KMT5A: variants seen among roughly 807,000 people sequenced by gnomAD.
KMT5A encodes the protein lysine methyltransferase 5A.
In KMT5A, 6 loss-of-function variants were observed where a neutral mutation model predicts 40.6. The ratio of observed to expected loss-of-function variants is 0.15; its 90% CI spans 0.08 to 0.29. KMT5A has a LOEUF of 0.29. Ranked by LOEUF, KMT5A falls within the 10% of genes least tolerant of loss-of-function variation. The probability of loss-of-function intolerance (pLI) is 1.00; values close to 1 mark genes in which losing one functional copy is unlikely to be tolerated. For missense variants in KMT5A, 308 were observed against 459.1 expected (o/e 0.67, Z 3.01); for synonymous variants, 153 against 178.8 (o/e 0.86, Z 1.15).
At chr12:123,397,058 C>G (rs1877782537) in intron 5 of KMT5A, among the ~76,000 whole-genome samples, 1 of 152,244 alleles carries the variant, frequency 6.6e-6, no homozygotes, top group Non-Finnish European at 1.5e-5. Context: ...GCCACCTCTG[C>G]TTCCTCAGTG....
At position 123,395,039 on chromosome 12, in the gene KMT5A, G is replaced by A. The variant is rs1310876890; in HGVS notation, c.290-8G>A. The A allele has an allele frequency of 1.3e-5, 21 of 1,557,114 alleles. No homozygotes were observed. Among genetic ancestry groups the A allele is most frequent in the South Asian group, 3.5e-5 (3 of 84,582 alleles). The stretch of plus-strand genomic sequence containing the variant: ...ATAAACCCGTCTTTCCCCCACCTCC[G>A]CCTGCAGAGAAAAGAAATGCTGGGA... On this transcript the variant is annotated splice_region_variant and splice_polypyrimidine_tract_variant and intron_variant, in intron 3 of 7. Coordinates refer to ENST00000402868, the MANE Select transcript of KMT5A (RefSeq NM_020382.7).
intron 5 of KMT5A, among the ~76,000 whole-genome samples, chr12:123,398,236 C>T (rs1294778459): frequency 5.3e-5 from 8 of 151,742 alleles, no homozygotes; most frequent in Admixed American, 1.3e-4. Flanking sequence ...GAGCCGAGAT[C>T]GCGCCACCGC....
At chr12:123,396,599 C>A (rs1388303663) in intron 5 of KMT5A, among the ~76,000 whole-genome samples, 167 bp downstream of exon 5, 1 of 152,190 alleles carries the variant, frequency 6.6e-6, no homozygotes, top group African/African-American at 2.4e-5. Flanking sequence ...GGGATCCTCA[C>A]AAAGCTTGTC....
chr12:123,404,544 G>A (rs1878398510), intron 6 of KMT5A, among the ~76,000 whole-genome samples: 1 of 152,172 alleles, frequency 6.6e-6, no homozygotes, highest in South Asian at 2.1e-4. Context: ...CAGACACGTG[G>A]TTGTGCCTCT....
Position 123,384,380 on chromosome 12 carries a change from C to T in KMT5A, c.10+172C>T, listed in dbSNP as rs1387623213. ...GCTGCTGCGGAACCCGCCGGCCCCC[C>T]CTTGCGGCTCCAGATGCCCCCAGAA... is the stretch of plus-strand genomic sequence containing the variant. On this transcript the variant is annotated intron_variant, in intron 1 of 7. Transcript: ENST00000402868. This position sits in a 1 kb window ranked among gnomAD's most constrained non-coding sequence, Gnocchi z 5.7. 6.6e-6 allele frequency among the ~76,000 whole-genome samples: 1 copy of T among 152,192 alleles called. No individual in the cohort carries two copies. Among genetic ancestry groups the T allele is most frequent in the African/African-American group, 2.4e-5 (1 of 41,454 alleles).
intron 2 of KMT5A, 75 bp from the exon 3 acceptor site, chr12:123,390,555 G>A (rs1048271923): frequency 1.4e-5 from 21 of 1,539,266 alleles, no homozygotes; most frequent in Admixed American, 2.0e-5. Context: ...TTCATCTTTT[G>A]TATTCCTCCT....
intron 7 of KMT5A, among the ~76,000 whole-genome samples, chr12:123,406,015 TTCAC>T (rs1276600054): frequency 1.3e-5 from 2 of 151,954 alleles, no homozygotes; most frequent in African/African-American, 4.8e-5. Flanking sequence ...GAGATGGAGT[TTCAC>T]TGTGTTAGCC....
chr12:123,397,231 G>T (rs966130090), intron 5 of KMT5A, among the ~76,000 whole-genome samples: 15 of 152,262 alleles, frequency 9.9e-5, no homozygotes, highest in Non-Finnish European at 7.3e-5. Context: ...CTGCAGTGAG[G>T]TGTGGTTATT....
intron 7 of KMT5A, among the ~76,000 whole-genome samples, chr12:123,406,272 C>G (rs181813221): frequency 2.6e-4 from 40 of 152,320 alleles, no homozygotes; most frequent in Middle Eastern, 6.8e-3. Flanking sequence ...ACTAATTGAT[C>G]TTGCCTGGCT....
intron 1 of KMT5A, chr12:123,388,968 T>G (rs1264028245): frequency 7.1e-6 from 1 of 140,868 alleles, no homozygotes; most frequent in African/African-American, 2.6e-5. Context: ...GCGGGAGGGC[T>G]GCGGAGGACG....
At chr12:123,400,115 C>T (rs1400609028) in intron 5 of KMT5A, among the ~76,000 whole-genome samples, 2 of 152,024 alleles carry the variant, frequency 1.3e-5, no homozygotes, top group Admixed American at 1.3e-4. Flanking sequence ...AGCCACTGAG[C>T]CCGGCCGTGA....
rs1384999279 is a variant in KMT5A at position 123,395,035 on chromosome 12, C to T, written c.290-12C>T. On this transcript the variant is annotated splice_polypyrimidine_tract_variant and intron_variant, in intron 3 of 7. Transcript: ENST00000402868. The stretch of plus-strand genomic sequence containing the variant: ...CAGAATAAACCCGTCTTTCCCCCAC[C>T]TCCGCCTGCAGAGAAAAGAAATGCT... 2.6e-6 allele frequency: 4 copies of T among 1,554,594 alleles called. No individual in the cohort carries two copies. The highest frequency in any genetic ancestry group is 3.5e-6 in the Non-Finnish European group (4 of 1,148,460).
At chr12:123,398,568 AG>A (rs1877914950) in intron 5 of KMT5A, among the ~76,000 whole-genome samples, 1 of 152,216 alleles carries the variant, frequency 6.6e-6, no homozygotes, top group African/African-American at 2.4e-5. Context: ...GCTTCCCTAA[AG>A]CACAGTCTGC....
At position 123,409,152 on chromosome 12, in the gene KMT5A, A is replaced by ATAG. The variant is rs1430943840; in HGVS notation, c.*1449_*1450insTAG. On this transcript the variant is annotated 3_prime_UTR_variant, in exon 8 of 8. Coordinates refer to ENST00000402868, the MANE Select transcript of KMT5A (RefSeq NM_020382.7). ...TCGGGCCTCACGACGGTGCTACCTA[A>ATAG]GAAAGTCTTCCCTCCCACCCCCCGC... The ATAG allele has an allele frequency of 6.6e-6, 1 of 151,794 alleles. No individual in the cohort carries two copies. The highest frequency in any genetic ancestry group is 2.0e-4 in the East Asian group (1 of 5,086). The allele number at this position is 151,794 out of a possible 1,614,324, so 9.4% of individuals were successfully genotyped here.
chr12:123,389,390 C>G, intron 1 of KMT5A, 43 bp from the exon 2 acceptor site: 1 of 1,030,830 alleles, frequency 9.7e-7, no homozygotes, highest in African/African-American at 1.8e-5. Context: ...CCGCCGCGCC[C>G]TGAGCGCCCC....
intron 1 of KMT5A, among the ~76,000 whole-genome samples, chr12:123,387,936 G>C (rs1430159491): frequency 6.6e-6 from 1 of 152,226 alleles, no homozygotes; most frequent in African/African-American, 2.4e-5. Flanking sequence ...CTGACTCCCA[G>C]GCCATGGGCC....
chr12:123,401,438 CTT>C (rs199733053), intron 5 of KMT5A, among the ~76,000 whole-genome samples: 1 of 148,316 alleles, frequency 6.7e-6, no homozygotes. Context: ...GTATATCTTT[CTT>C]TTTTTTTTAA....
intron 2 of KMT5A, among the ~76,000 whole-genome samples, chr12:123,389,812 C>T (rs1291105706): frequency 1.3e-5 from 2 of 152,036 alleles, no homozygotes; most frequent in Non-Finnish European, 2.9e-5. Flanking sequence ...CCAGGCTGTG[C>T]GGGGCCTGCG....
chr12:123,403,495 C>T, intron 5 of KMT5A, 78 bp from the exon 6 acceptor site: 1 of 1,528,180 alleles, frequency 6.5e-7, no homozygotes, highest in Non-Finnish European at 9.0e-7. Context: ...CCTGGGCAAT[C>T]AGGGCTCAAG....
Sources: gnomAD v4.1 joint callset for allele counts (sites outside exome capture counted in the v4.1 genomes callset) on GRCh38, gnomAD v4.1.1 for gene constraint, Gnocchi (gnomAD v3.1) non-coding constraint, MANE v1.5 for transcripts, NCBI Gene and HGNC (gene_info 2026-07-23, HGNC 2026-07-21) for gene names.